The following FAM81A variants were observed in gnomAD, a reference collection of about 807,000 sequenced individuals.
FAM81A encodes family with sequence similarity 81 member A, also known as protein FAM81A.
FAM81A carries 19 observed loss-of-function variants against 46.7 expected under a neutral mutation model. The ratio of observed to expected loss-of-function variants is 0.41; its 90% CI spans 0.28 to 0.60. FAM81A has a LOEUF of 0.60. Among genes scored for constraint, FAM81A ranks in the 20% least tolerant of loss-of-function variants. The pLI, the probability that FAM81A is intolerant of heterozygous loss-of-function variation, is 0.34. For missense variants in FAM81A, 377 were observed against 453.5 expected (o/e 0.83, Z 1.53); for synonymous variants, 183 against 152.9 (o/e 1.20, Z -1.45).
chr15:59,454,030 G>A (rs2081452461), intron 1 of FAM81A, among the ~76,000 whole-genome samples: 2 of 152,132 alleles, frequency 1.3e-5, no homozygotes, highest in South Asian at 4.1e-4. Context: ...TCAGGGCCTG[G>A]GGATCAAGTC....
chr15:59,432,556 C>T (rs2081225099), intron 2 of FAM81A, among the ~76,000 whole-genome samples: 1 of 152,200 alleles, frequency 6.6e-6, no homozygotes, highest in African/African-American at 2.4e-5. Flanking sequence ...ACCTACAAGG[C>T]ACAGCTGTGA....
chr15:59,481,986 T>C (rs2081858190), intron 3 of FAM81A, among the ~76,000 whole-genome samples: 1 of 152,048 alleles, frequency 6.6e-6, no homozygotes, highest in African/African-American at 2.4e-5. Flanking sequence ...TTTTAGAGCA[T>C]TTTTTGGTTC....
intron 6 of FAM81A, among the ~76,000 whole-genome samples, chr15:59,510,395 A>G (rs561243396): frequency 7.5e-4 from 113 of 151,616 alleles, no homozygotes; most frequent in African/African-American, 2.3e-3. Flanking sequence ...AAAGCCAACT[A>G]CATTCCAGTA....
chr15:59,441,618 T>C (rs1161064684), intron 1 of FAM81A, among the ~76,000 whole-genome samples: 1 of 152,250 alleles, frequency 6.6e-6, no homozygotes, highest in Non-Finnish European at 1.5e-5. Flanking sequence ...CTCAGAGGGC[T>C]CTGGCATAGG....
intron 5 of FAM81A, 80 bp from the exon 6 acceptor site, chr15:59,508,783 A>G: frequency 1.0e-6 from 1 of 973,864 alleles, no homozygotes; most frequent in Non-Finnish European, 1.6e-6. Context: ...CATTGACTAC[A>G]ATATGGCTTA....
At chr15:59,477,119 CAA>C (rs75168770) in intron 3 of FAM81A, among the ~76,000 whole-genome samples, 12 of 106,814 alleles carry the variant, frequency 1.1e-4, no homozygotes, top group African/African-American at 1.1e-4. Context: ...GACTCTGACT[CAA>C]AAAAAAAAAA....
chr15:59,481,148 CAA>C (rs2081845091), intron 3 of FAM81A, among the ~76,000 whole-genome samples: 1 of 151,928 alleles, frequency 6.6e-6, no homozygotes, highest in Non-Finnish European at 1.5e-5. Context: ...GTGTGCACCA[CAA>C]CTCTTGGCTA....
chr15:59,498,694 C>T (rs2082059387), intron 4 of FAM81A, among the ~76,000 whole-genome samples: 2 of 152,150 alleles, frequency 1.3e-5, no homozygotes, highest in South Asian at 2.1e-4. Context: ...TGCTCTGTCG[C>T]CCAAGCTACA....
intron 2 of FAM81A, among the ~76,000 whole-genome samples, chr15:59,422,536 G>C (rs2081178567): frequency 6.6e-6 from 1 of 151,998 alleles, no homozygotes. Context: ...GAGTGCAGTG[G>C]TGTGATCTCA....
At chr15:59,495,129 C>T (rs1485220560) in intron 4 of FAM81A, among the ~76,000 whole-genome samples, 5 of 152,198 alleles carry the variant, frequency 3.3e-5, no homozygotes, top group African/African-American at 9.7e-5. Flanking sequence ...TCACCACAAT[C>T]GATTTCAGAA....
rs74334630 is a variant in FAM81A, at chr15:59,509,226, T to G, written c.650+257T>G. On this transcript the variant is annotated intron_variant, in intron 6 of 8. Transcript: ENST00000288228. ...TTGGCCTAGGGGCTGAGGATCTGGG[T>G]AATGAACACAAACCAGACTCTGTTC... Among the ~76,000 whole-genome samples, 1,422 of 152,320 alleles carry G rather than the reference T, an allele frequency of 9.3e-3. 21 individuals are homozygous for G. Among genetic ancestry groups the G allele is most frequent in the African/African-American group, 0.033 (1,381 of 41,564 alleles).
chr15:59,476,160 T>A (rs970308148), intron 3 of FAM81A, among the ~76,000 whole-genome samples: 5 of 152,038 alleles, frequency 3.3e-5, no homozygotes. Context: ...CCTCATGACC[T>A]AATCACCTCT....
At chr15:59,509,288 C>T (rs2082180372) in intron 6 of FAM81A, among the ~76,000 whole-genome samples, 1 of 152,188 alleles carries the variant, frequency 6.6e-6, no homozygotes, top group Non-Finnish European at 1.5e-5. Flanking sequence ...AGCTGATGAC[C>T]ATTAATCAAT....
chr15:59,486,808 G>T (rs985809852), intron 3 of FAM81A, among the ~76,000 whole-genome samples: 6 of 152,202 alleles, frequency 3.9e-5, no homozygotes, highest in African/African-American at 1.4e-4. Flanking sequence ...AAACTTGAAG[G>T]AGAAATAAAG....
At chr15:59,462,464 C>CT (rs2081564354) in intron 3 of FAM81A, among the ~76,000 whole-genome samples, 1 of 152,044 alleles carries the variant, frequency 6.6e-6, no homozygotes, top group African/African-American at 2.4e-5. Flanking sequence ...GGTGAAATGT[C>CT]TATGTAAGTC....
intron 3 of FAM81A, among the ~76,000 whole-genome samples, chr15:59,462,621 A>G (rs1479974929): frequency 6.6e-6 from 1 of 152,142 alleles, no homozygotes; most frequent in Non-Finnish European, 1.5e-5. Flanking sequence ...AAAGATTTCC[A>G]TCATCCCAAA....
rs148869501 is a variant in FAM81A at position 59,431,898 on chromosome 15, C to G, written c.-77-26652C>G. Reference sequence around the variant, plus strand: ...GGGGCTCCAGTGCCTGGTAGAGAATCCTGCAACCCTTTCACATTGCCTTGG... The same window carrying G: ...GGGGCTCCAGTGCCTGGTAGAGAATGCTGCAACCCTTTCACATTGCCTTGG... On this transcript the variant is annotated intron_variant, in intron 2 of 4. Coordinates refer to the FAM81A transcript ENST00000558348. Among the ~76,000 whole-genome samples the G allele has an allele frequency of 8.2e-4, 125 of 152,306 alleles. 2 individuals are homozygous for G. The East Asian group carries it at 0.02, about 25-fold the overall frequency.
intron 4 of FAM81A, among the ~76,000 whole-genome samples, chr15:59,497,747 C>T (rs1462511276): frequency 1.3e-5 from 2 of 152,034 alleles, no homozygotes; most frequent in African/African-American, 4.8e-5. Context: ...GTTAGCTGGG[C>T]ATGGTGGCAC....
At chr15:59,459,848 T>C in intron 2 of FAM81A, 85 bp from the exon 3 acceptor site, 1 of 1,450,378 alleles carries the variant, frequency 6.9e-7, no homozygotes, top group East Asian at 2.5e-5. Flanking sequence ...ATAATTTGTA[T>C]TTCCAGACTT....
Sources: allele counts gnomAD v4.1 joint callset (sites outside exome capture counted in the v4.1 genomes callset), GRCh38; gene constraint gnomAD v4.1.1; transcripts MANE v1.5; gene names NCBI Gene and HGNC (gene_info 2026-07-23, HGNC 2026-07-21).